The following CNTNAP4 variants were observed in gnomAD, a reference collection of about 807,000 sequenced individuals.
CNTNAP4 encodes the protein contactin-associated protein-like 4.
In CNTNAP4, 98 loss-of-function variants were observed where a neutral mutation model predicts 148.4. The ratio of observed to expected loss-of-function variants is 0.66; its 90% CI spans 0.56 to 0.78. The LOEUF (loss-of-function observed/expected upper bound fraction) is 0.78. Ranked by LOEUF, CNTNAP4 falls within the 30% of genes least tolerant of loss-of-function variation. The pLI is 0.00. For missense variants in CNTNAP4, 1,935 were observed against 1,565.6 expected (o/e 1.24, Z -3.98); for synonymous variants, 730 against 565.1 (o/e 1.29, Z -4.14).
At chr16:76,390,832 TC>T (rs2016926237) in intron 3 of CNTNAP4, among the ~76,000 whole-genome samples, 1 of 152,204 alleles carries the variant, frequency 6.6e-6, no homozygotes, top group Admixed American at 6.5e-5. Context: ...GTCTTGAATT[TC>T]TTTTAATTCT....
At chr16:76,278,864 A>ATGT (rs1567559274) in intron 1 of CNTNAP4, among the ~76,000 whole-genome samples, 1 of 152,192 alleles carries the variant, frequency 6.6e-6, no homozygotes, top group Non-Finnish European at 1.5e-5. Context: ...CACAAGTCAA[A>ATGT]TGTCCCCTCA....
At chr16:76,382,853 C>A (rs1280364394) in intron 3 of CNTNAP4, among the ~76,000 whole-genome samples, 5 of 152,044 alleles carry the variant, frequency 3.3e-5, no homozygotes, top group African/African-American at 1.2e-4. Flanking sequence ...TACTTTATAC[C>A]AGAAAACAAG....
At chr16:76,533,774 C>G (rs578208479) in intron 17 of CNTNAP4, among the ~76,000 whole-genome samples, 2 of 152,182 alleles carry the variant, frequency 1.3e-5, no homozygotes, top group South Asian at 4.1e-4. Context: ...AACTCCATGC[C>G]TACCATGCCC....
chr16:76,381,023 T>A (rs1384001157), intron 3 of CNTNAP4, among the ~76,000 whole-genome samples: 1 of 152,228 alleles, frequency 6.6e-6, no homozygotes, highest in Non-Finnish European at 1.5e-5. Flanking sequence ...TCCCAAGTTT[T>A]TTCTCCATAC....
intron 3 of CNTNAP4, among the ~76,000 whole-genome samples, chr16:76,365,156 G>T (rs1050930144): frequency 6.6e-6 from 1 of 152,086 alleles, no homozygotes; most frequent in Admixed American, 6.6e-5. Flanking sequence ...GCTTGTTTTT[G>T]TCAGGTTTGT....
At chr16:76,283,022 A>C (rs1331839998) in intron 1 of CNTNAP4, among the ~76,000 whole-genome samples, 4 of 151,872 alleles carry the variant, frequency 2.6e-5, no homozygotes, top group African/African-American at 9.7e-5. Flanking sequence ...CAAAAAAACT[A>C]GGATAGTCTC....
intron 3 of CNTNAP4, among the ~76,000 whole-genome samples, chr16:76,372,658 T>A (rs1261347673): frequency 6.6e-6 from 1 of 151,656 alleles, no homozygotes; most frequent in Non-Finnish European, 1.5e-5. Context: ...ATGTAAGACA[T>A]GCCTTCTGCC....
chr16:76,361,855 GAC>G (rs1567853538), intron 3 of CNTNAP4, among the ~76,000 whole-genome samples: 1 of 152,046 alleles, frequency 6.6e-6, no homozygotes, highest in African/African-American at 2.4e-5. Flanking sequence ...TTGTTTAAAT[GAC>G]AGATATCCTA....
At chr16:76,315,054 A>G (rs1274952635) in intron 1 of CNTNAP4, among the ~76,000 whole-genome samples, 2 of 151,858 alleles carry the variant, frequency 1.3e-5, no homozygotes, top group Non-Finnish European at 2.9e-5. Context: ...TGTCGCTTCT[A>G]AGATTCAACT....
At chr16:76,366,030 C>G (rs1318147167) in intron 3 of CNTNAP4, among the ~76,000 whole-genome samples, 3 of 151,978 alleles carry the variant, frequency 2.0e-5, no homozygotes, top group East Asian at 3.9e-4. Context: ...TCCTGATATG[C>G]TTTTTTGTTA....
intron 4 of CNTNAP4, among the ~76,000 whole-genome samples, chr16:76,429,926 G>A (rs947799532): frequency 2.6e-5 from 4 of 152,174 alleles, no homozygotes; most frequent in African/African-American, 9.7e-5. Flanking sequence ...AGTGTGGCAG[G>A]AGTTAATGAC....
chr16:76,326,838 T>A (rs1172805706), intron 2 of CNTNAP4, among the ~76,000 whole-genome samples: 1 of 151,924 alleles, frequency 6.6e-6, no homozygotes, highest in Non-Finnish European at 1.5e-5. Context: ...TTAGGAGATA[T>A]ACCTAATGCT....
At chr16:76,366,574 G>A (rs2144592002) in intron 3 of CNTNAP4, among the ~76,000 whole-genome samples, 1 of 152,162 alleles carries the variant, frequency 6.6e-6, no homozygotes, top group East Asian at 1.9e-4. Flanking sequence ...TTGCTATTGT[G>A]ACTAGTGCTG....
intron 3 of CNTNAP4, among the ~76,000 whole-genome samples, chr16:76,355,840 TTTTATTTATTTA>T (rs138725617): frequency 0.28 from 39,860 of 141,610 alleles, 6,172 homozygotes; most frequent in Non-Finnish European, 0.36. Context: ...TTGCATTGTC[TTTTATTTATTTA>T]TTTATTTATT....
intron 4 of CNTNAP4, among the ~76,000 whole-genome samples, chr16:76,431,745 A>C (rs1024070921): frequency 4.6e-5 from 7 of 152,158 alleles, no homozygotes; most frequent in African/African-American, 1.7e-4. Flanking sequence ...TATCTTGGTC[A>C]TTGTATGTGA....
intron 3 of CNTNAP4, among the ~76,000 whole-genome samples, chr16:76,399,572 A>T (rs967353579): frequency 6.6e-6 from 1 of 152,198 alleles, no homozygotes; most frequent in African/African-American, 2.4e-5. Flanking sequence ...TACACAGTTG[A>T]CAATGTCCAG....
chr16:76,354,379 G>A (rs1444564543), intron 2 of CNTNAP4, among the ~76,000 whole-genome samples: 2 of 152,100 alleles, frequency 1.3e-5, no homozygotes, highest in South Asian at 2.1e-4. Context: ...ATTATGCTGT[G>A]CACATTACTT....
At position 76,534,756 on chromosome 16, in the gene CNTNAP4, G is replaced by A. The variant is rs557756850; in HGVS notation, c.2756-789G>A. 6.6e-5 allele frequency among the ~76,000 whole-genome samples: 10 copies of A among 152,196 alleles called. No homozygotes were observed. In the South Asian group the frequency reaches 1.2e-3, roughly 19 times the overall value. On this transcript the variant is annotated intron_variant, in intron 17 of 23. Coordinates refer to ENST00000611870, the MANE Select transcript of CNTNAP4 (RefSeq NM_033401.5). ...CGAGTCTATTTATTAGAAGCTCTCC[G>A]TGTGATTATGTGTTACCCATATTTC...
At chr16:76,515,357 T>TA (rs1477239540) in intron 15 of CNTNAP4, among the ~76,000 whole-genome samples, 2 of 152,086 alleles carry the variant, frequency 1.3e-5, no homozygotes, top group African/African-American at 4.8e-5. Context: ...AGGAGATCAT[T>TA]AAGGTAAATG....
Sources: allele counts gnomAD v4.1 joint callset (sites outside exome capture counted in the v4.1 genomes callset), GRCh38; gene constraint gnomAD v4.1.1; transcripts MANE v1.5; gene names NCBI Gene and HGNC (gene_info 2026-07-23, HGNC 2026-07-21).